DSCAML1: variants seen among roughly 807,000 people sequenced by gnomAD.
DSCAML1 encodes DS cell adhesion molecule like 1, also known as cell adhesion molecule DSCAML1.
Under a neutral mutation model 200.5 loss-of-function variants are expected in DSCAML1, and 38 were observed. That is an observed-to-expected ratio of 0.19 (90% CI 0.15 to 0.25). The LOEUF (loss-of-function observed/expected upper bound fraction) is 0.25. Among genes scored for constraint, DSCAML1 ranks in the 10% least tolerant of loss-of-function variants. The pLI is 1.00. For missense variants in DSCAML1, 2,223 were observed against 2,858.8 expected (o/e 0.78, Z 5.07); for synonymous variants, 1,215 against 1,165.0 (o/e 1.04, Z -0.87).
At position 117,516,845 on chromosome 11, in the gene DSCAML1, CCT is replaced by C; in HGVS notation, c.1511-108_1511-107del. On this transcript the variant is annotated intron_variant, in intron 7 of 32. Coordinates refer to ENST00000651296, the MANE Select transcript of DSCAML1 (RefSeq NM_020693.4). The surrounding 1 kb of genome is among the most constrained non-coding windows in gnomAD (Gnocchi z 5.7). ...CGGTGCTCTTCTCAGGCACTCGGCC[CCT>C]GAGACTTTCGGGGGCGGACATTTGG... is the stretch of plus-strand genomic sequence containing the variant. 7.2e-7 allele frequency: 1 copy of C among 1,395,942 alleles called. No homozygotes were observed. Among genetic ancestry groups the C allele is most frequent in the Non-Finnish European group, 9.6e-7 (1 of 1,044,370 alleles). 86.5% of individuals were successfully genotyped at this position (1,395,942 alleles called of 1,614,324 possible).
rs1367723477 is a variant in DSCAML1, at chr11:117,516,144, T to G, written c.1783+323A>C. Among the ~76,000 whole-genome samples the G allele has an allele frequency of 1.3e-5, 2 of 152,188 alleles. No homozygotes were observed. Among genetic ancestry groups the G allele is most frequent in the Non-Finnish European group, 2.9e-5 (2 of 68,022 alleles). ...CTCCATCCCAACAGCAGAGGCCCCA[T>G]GCAGCCCATCTCTGACCTGGCCTCT... On this transcript the variant is annotated intron_variant, in intron 8 of 32. Coordinates refer to ENST00000651296, the MANE Select transcript of DSCAML1 (RefSeq NM_020693.4). The surrounding 1 kb of genome is among the most constrained non-coding windows in gnomAD (Gnocchi z 5.7).
At chr11:117,644,327 A>G (rs1222272518) in intron 3 of DSCAML1, among the ~76,000 whole-genome samples, 1 of 152,246 alleles carries the variant, frequency 6.6e-6, no homozygotes, top group Non-Finnish European at 1.5e-5. Context: ...GGGAGTGCAA[A>G]GGGGATTTCT....
intron 3 of DSCAML1, among the ~76,000 whole-genome samples, chr11:117,747,978 A>T (rs1055996783): frequency 6.6e-6 from 1 of 152,142 alleles, no homozygotes; most frequent in Non-Finnish European, 1.5e-5. Flanking sequence ...GTTCTCCCCA[A>T]CACAACAGGT....
At chr11:117,778,302 C>T (rs1223504131) in intron 2 of DSCAML1, among the ~76,000 whole-genome samples, 4 of 152,144 alleles carry the variant, frequency 2.6e-5, no homozygotes, top group Non-Finnish European at 5.9e-5. Flanking sequence ...TATGGGAGAG[C>T]ACAGAGGAGA....
chr11:117,808,373 G>C (rs940096056), intron 1 of DSCAML1, among the ~76,000 whole-genome samples: 3 of 152,172 alleles, frequency 2.0e-5, no homozygotes, highest in Non-Finnish European at 4.4e-5. Flanking sequence ...TGGCTGGGCT[G>C]TCCCTGCCCC....
At chr11:117,572,266 T>C (rs1005470962) in intron 3 of DSCAML1, among the ~76,000 whole-genome samples, 1 of 152,226 alleles carries the variant, frequency 6.6e-6, no homozygotes, top group Non-Finnish European at 1.5e-5. Context: ...TGAGTAAACA[T>C]TTCTCACAGG....
At chr11:117,622,438 C>A (rs917006823) in intron 3 of DSCAML1, among the ~76,000 whole-genome samples, 8 of 152,154 alleles carry the variant, frequency 5.3e-5, no homozygotes, top group African/African-American at 1.7e-4. Flanking sequence ...AGCTGGCTGG[C>A]AATGGTGGTG....
intron 2 of DSCAML1, among the ~76,000 whole-genome samples, 159 bp from the exon 3 acceptor site, chr11:117,777,096 T>G (rs1408139486): frequency 1.3e-5 from 2 of 152,252 alleles, no homozygotes; most frequent in Admixed American, 1.3e-4. Flanking sequence ...TAGAAGCCCC[T>G]GCCATGATCT....
intron 3 of DSCAML1, among the ~76,000 whole-genome samples, chr11:117,692,334 AC>A (rs1465231191): frequency 1.3e-5 from 2 of 151,108 alleles, no homozygotes; most frequent in Admixed American, 1.3e-4. Flanking sequence ...CACTTTCTCC[AC>A]CCCCACAGTC....
chr11:117,610,561 G>A (rs1050635261), intron 3 of DSCAML1, among the ~76,000 whole-genome samples: 1 of 152,138 alleles, frequency 6.6e-6, no homozygotes, highest in Non-Finnish European at 1.5e-5. Context: ...TGGGGAGGAA[G>A]AGGTAATGGA....
intron 3 of DSCAML1, among the ~76,000 whole-genome samples, chr11:117,755,640 G>A (rs1213037880): frequency 6.6e-6 from 1 of 152,146 alleles, no homozygotes; most frequent in Non-Finnish European, 1.5e-5. Context: ...AATGCAAAAA[G>A]GAACCATTTT....
chr11:117,640,419 G>A (rs1291653873), intron 3 of DSCAML1, among the ~76,000 whole-genome samples: 1 of 152,198 alleles, frequency 6.6e-6, no homozygotes, highest in Non-Finnish European at 1.5e-5. Context: ...TTACTTTAGA[G>A]ATGGGGTAAA....
At chr11:117,560,658 A>G (rs556092212) in intron 3 of DSCAML1, among the ~76,000 whole-genome samples, 1 of 152,250 alleles carries the variant, frequency 6.6e-6, no homozygotes, top group South Asian at 2.1e-4. Flanking sequence ...GGTGGCAGAA[A>G]TCTAGCTCCT....
intron 2 of DSCAML1, among the ~76,000 whole-genome samples, chr11:117,777,948 G>A (rs1019704576): frequency 3.9e-5 from 6 of 151,998 alleles, no homozygotes; most frequent in Non-Finnish European, 8.8e-5. Context: ...GCTGCCTCCC[G>A]ACCTTGTCCC....
intron 3 of DSCAML1, among the ~76,000 whole-genome samples, chr11:117,666,926 A>G (rs2052988073): frequency 6.6e-6 from 1 of 152,150 alleles, no homozygotes. Context: ...GTCCGAATCC[A>G]TGTATTCACC....
intron 3 of DSCAML1, among the ~76,000 whole-genome samples, chr11:117,591,132 T>C (rs570229745): frequency 6.6e-6 from 1 of 151,348 alleles, no homozygotes; most frequent in South Asian, 2.1e-4. Context: ...GAAGAGGGGG[T>C]ATTTAGAACT....
At chr11:117,751,386 AC>A (rs1437438898) in intron 3 of DSCAML1, among the ~76,000 whole-genome samples, 1 of 147,068 alleles carries the variant, frequency 6.8e-6, no homozygotes, top group African/African-American at 2.6e-5. Context: ...ATACGCTCAC[AC>A]CTTTTTTCTT....
chr11:117,480,422 C>G lies in DSCAML1; in HGVS notation c.2785+21G>C. On this transcript the variant is annotated intron_variant, in intron 14 of 32. Transcript: ENST00000651296. The surrounding 1 kb of genome is among the most constrained non-coding windows in gnomAD (Gnocchi z 4.1). ...GGGGCCATGGCAGGCCACGCTGTCA[C>G]CCTCCTGGCCCAGCGCCTACCTGAT... 6.2e-7 allele frequency: 1 copy of G among 1,612,506 alleles called. No homozygotes were observed. The highest frequency in any genetic ancestry group is 8.5e-7 in the Non-Finnish European group (1 of 1,179,436).
rs79590231 is a variant in DSCAML1 at position 117,451,232 on chromosome 11, T to C, written c.3569-544A>G. Among the ~76,000 whole-genome samples the C allele has an allele frequency of 5.3e-3, 801 of 152,296 alleles. 23 individuals carry two copies. In the East Asian group the frequency reaches 0.079, roughly 15 times the overall value. ...CACTAGGAAATCCATCCTAAGTGGATTCCAACTCTTATGGACTCTGATGTC... is the reference window on the plus strand; with the variant it reads ...CACTAGGAAATCCATCCTAAGTGGACTCCAACTCTTATGGACTCTGATGTC... On this transcript the variant is annotated intron_variant, in intron 19 of 32. Coordinates refer to ENST00000651296, the MANE Select transcript of DSCAML1 (RefSeq NM_020693.4).
Sources: gnomAD v4.1 joint callset for allele counts (sites outside exome capture counted in the v4.1 genomes callset) on GRCh38, gnomAD v4.1.1 for gene constraint, Gnocchi (gnomAD v3.1) non-coding constraint, MANE v1.5 for transcripts, NCBI Gene and HGNC (gene_info 2026-07-23, HGNC 2026-07-21) for gene names.